The following CCDC60 variants were observed in gnomAD, a reference collection of about 807,000 sequenced individuals.
CCDC60 encodes the protein coiled-coil domain-containing protein 60.
Under a neutral mutation model 63.5 loss-of-function variants are expected in CCDC60, and 54 were observed. That is an observed-to-expected ratio of 0.85 (90% confidence interval 0.68 to 1.07). The LOEUF is 1.07. CCDC60 is among the 50% of genes least tolerant of loss of function. CCDC60 has a pLI of 0.00. For synonymous variants in CCDC60, 206 were observed against 238.8 expected (o/e 0.86, Z 1.27); for missense variants, 651 against 684.3 (o/e 0.95, Z 0.54).
At chr12:119,470,003 G>A (rs906403448) in intron 2 of CCDC60, among the ~76,000 whole-genome samples, 12 of 152,146 alleles carry the variant, frequency 7.9e-5, no homozygotes, top group African/African-American at 2.9e-4. Flanking sequence ...GCTCACTTAA[G>A]AACCCAAGGC....
Position 119,374,663 on chromosome 12 carries a change from T to C in CCDC60, c.90+39397T>C, listed in dbSNP as rs962649047. Among the ~76,000 whole-genome samples the C allele has an allele frequency of 2.0e-5, 3 of 150,458 alleles. No homozygotes were observed. The Admixed American group carries it at 2.0e-4, about 10-fold the overall frequency. The stretch of plus-strand genomic sequence containing the variant: ...TTAGAGAAGTAAAGAAACAAAAGAA[T>C]GGCTACTCCATAGGCAGAGCAGTGG... On this transcript the variant is annotated intron_variant, in intron 1 of 13. Coordinates refer to ENST00000327554, the MANE Select transcript of CCDC60 (RefSeq NM_178499.5).
At chr12:119,506,067 T>C (rs182892204) in intron 7 of CCDC60, among the ~76,000 whole-genome samples, 17 of 152,300 alleles carry the variant, frequency 1.1e-4, no homozygotes, top group Non-Finnish European at 1.6e-4. Flanking sequence ...TCAGTGATTT[T>C]TAGTAAACTT....
chr12:119,495,377 C>G (rs897778709), intron 5 of CCDC60, among the ~76,000 whole-genome samples: 1 of 152,180 alleles, frequency 6.6e-6, no homozygotes, highest in African/African-American at 2.4e-5. Context: ...GAGATGTTAT[C>G]ACATATAAAC....
At chr12:119,519,469 T>TATA (rs1386843518) in intron 8 of CCDC60, among the ~76,000 whole-genome samples, 6 of 97,942 alleles carry the variant, frequency 6.1e-5, no homozygotes, top group East Asian at 6.4e-4. Context: ...ATATATATAT[T>TATA]TTTTTTTTTT....
At chr12:119,482,662 T>C (rs1951352923) in intron 4 of CCDC60, among the ~76,000 whole-genome samples, 1 of 152,208 alleles carries the variant, frequency 6.6e-6, no homozygotes. Context: ...ATTAGTAAGC[T>C]ATGGCTGTAT....
At chr12:119,343,722 T>C (rs927686136) in intron 1 of CCDC60, among the ~76,000 whole-genome samples, 33 of 151,180 alleles carry the variant, frequency 2.2e-4, no homozygotes, top group African/African-American at 7.8e-4. Context: ...AGTTCTATCA[T>C]GGAAAGACAG....
chr12:119,387,054 A>T (rs1378740515), intron 1 of CCDC60, among the ~76,000 whole-genome samples: 28 of 148,490 alleles, frequency 1.9e-4, no homozygotes, highest in Non-Finnish European at 3.7e-4. Flanking sequence ...ACACACACAC[A>T]CACACACACA....
Position 119,540,693 on chromosome 12 carries a change from G to C in CCDC60, c.1631G>C (p.Gly544Ala), listed in dbSNP as rs377650917. The C allele has an allele frequency of 1.7e-5, 27 of 1,613,572 alleles. No individual in the cohort carries two copies. The highest frequency in any genetic ancestry group is 2.1e-5 in the Non-Finnish European group (25 of 1,179,924). Residue 544 changes from glycine (G) to alanine (A), a missense_variant, in exon 14 of 14, where the codon GGG (glycine) becomes GCG (alanine). Gly to Ala is a moderately conservative substitution (Grantham distance 60). Coordinates refer to ENST00000327554, the MANE Select transcript of CCDC60 (RefSeq NM_178499.5). ...WLQSRINIPI[G>A]PYSALR The stretch of plus-strand genomic sequence containing the variant: ...CAGAGCCGGATCAACATACCCATTG[G>C]GCCCTACAGCGCCCTGAGGTAGGCT...
intron 2 of CCDC60, among the ~76,000 whole-genome samples, chr12:119,452,741 G>A (rs1385244883): frequency 6.6e-6 from 1 of 152,208 alleles, no homozygotes; most frequent in African/African-American, 2.4e-5. Flanking sequence ...CTAGATAACA[G>A]AACAGAGTGG....
intron 1 of CCDC60, among the ~76,000 whole-genome samples, chr12:119,379,188 TG>T (rs1955984803): frequency 6.6e-6 from 1 of 152,234 alleles, no homozygotes. Context: ...CCACAGATCA[TG>T]AAACACATAT....
intron 13 of CCDC60, among the ~76,000 whole-genome samples, chr12:119,536,082 T>A (rs1952996742): frequency 6.6e-6 from 1 of 152,170 alleles, no homozygotes; most frequent in Non-Finnish European, 1.5e-5. Flanking sequence ...GGCCTTGCTT[T>A]TTGAATCTGG....
intron 1 of CCDC60, chr12:119,387,937 T>C (rs760480291): frequency 6.6e-6 from 1 of 152,180 alleles, no homozygotes; most frequent in African/African-American, 2.4e-5. Flanking sequence ...ATGGGAGAGA[T>C]AATTATATCA....
chr12:119,525,237 C>T (rs2136510198), intron 11 of CCDC60, among the ~76,000 whole-genome samples: 1 of 152,312 alleles, frequency 6.6e-6, no homozygotes, highest in Middle Eastern at 3.4e-3. Flanking sequence ...TTCAGGATGT[C>T]ATCCATGAAA....
intron 1 of CCDC60, among the ~76,000 whole-genome samples, chr12:119,422,504 G>C (rs1956830766): frequency 6.6e-6 from 1 of 152,222 alleles, no homozygotes; most frequent in Admixed American, 6.5e-5. Flanking sequence ...AGAAGGCAAA[G>C]TGTGAGCAGG....
intron 4 of CCDC60, among the ~76,000 whole-genome samples, chr12:119,481,280 A>T (rs1306433553): frequency 6.6e-6 from 1 of 152,170 alleles, no homozygotes; most frequent in East Asian, 1.9e-4. Context: ...TAGGCCTTGC[A>T]ATTTCTCATG....
chr12:119,521,745 C>T (rs1284945870), intron 9 of CCDC60, among the ~76,000 whole-genome samples: 1 of 152,154 alleles, frequency 6.6e-6, no homozygotes, highest in Non-Finnish European at 1.5e-5. Context: ...TACCTCCCAC[C>T]TCCTCCCTGA....
At chr12:119,358,749 T>C (rs1472980028) in intron 1 of CCDC60, among the ~76,000 whole-genome samples, 1 of 152,246 alleles carries the variant, frequency 6.6e-6, no homozygotes, top group African/African-American at 2.4e-5. Context: ...TGGGATTCAC[T>C]TATATTTTTG....
chr12:119,467,146 G>A (rs937203170), intron 2 of CCDC60, among the ~76,000 whole-genome samples: 1 of 152,218 alleles, frequency 6.6e-6, no homozygotes, highest in African/African-American at 2.4e-5. Flanking sequence ...GCCCTGCTCT[G>A]CAGGTGCAGT....
chr12:119,489,045 G>A lies in CCDC60; in HGVS notation c.557+179G>A, dbSNP rs575334988. Among the ~76,000 whole-genome samples the A allele has an allele frequency of 6.6e-4, 100 of 152,282 alleles. 1 individual carries two copies. In the South Asian group the frequency reaches 0.016, roughly 24 times the overall value. ...AACTAGAGACAGCTTATGCAGATTC[G>A]TGGGAGCCGGTTGTGTGCATCTCCT... On this transcript the variant is annotated intron_variant, in intron 5 of 13. Coordinates refer to ENST00000327554, the MANE Select transcript of CCDC60 (RefSeq NM_178499.5).
Sources: gnomAD v4.1 joint callset for allele counts (sites outside exome capture counted in the v4.1 genomes callset) on GRCh38, gnomAD v4.1.1 for gene constraint, MANE v1.5 for transcripts, NCBI Gene and HGNC (gene_info 2026-07-23, HGNC 2026-07-21) for gene names.